DYRK1A: variants seen among roughly 807,000 people sequenced by gnomAD.
The protein encoded by DYRK1A is dual specificity tyrosine phosphorylation regulated kinase 1A, also known as dual specificity tyrosine-phosphorylation-regulated kinase 1A.
Under a neutral mutation model 79.7 loss-of-function variants are expected in DYRK1A, and 9 were observed. That is an observed-to-expected ratio of 0.11 (90% confidence interval 0.07 to 0.20). The LOEUF (loss-of-function observed/expected upper bound fraction) is 0.20, where lower values mean the gene tolerates loss of function less well. DYRK1A is among the 10% of genes least tolerant of loss of function. The pLI is 1.00. For synonymous variants in DYRK1A, 349 were observed against 329.7 expected (o/e 1.06, Z -0.63); for missense variants, 622 against 956.0 (o/e 0.65, Z 4.61).
At chr21:37,458,378 A>C (rs1458662048) in intron 2 of DYRK1A, among the ~76,000 whole-genome samples, 10 of 151,882 alleles carry the variant, frequency 6.6e-5, no homozygotes, top group Non-Finnish European at 1.2e-4. Context: ...GATTTTGAAA[A>C]AAATGAACTA....
At chr21:37,476,757 A>G (rs888699152) in intron 3 of DYRK1A, among the ~76,000 whole-genome samples, 2 of 86,546 alleles carry the variant, frequency 2.3e-5, no homozygotes, top group Admixed American at 1.5e-4. Flanking sequence ...GAAAAATTAA[A>G]TCAGATCATC....
At chr21:37,422,273 G>A (rs1347309847) in intron 2 of DYRK1A, among the ~76,000 whole-genome samples, 1 of 152,104 alleles carries the variant, frequency 6.6e-6, no homozygotes, top group Non-Finnish European at 1.5e-5. Context: ...CTTTCTAATA[G>A]TTTGAAAGTT....
intron 1 of DYRK1A, among the ~76,000 whole-genome samples, chr21:37,377,879 C>T (rs2049579341): frequency 6.6e-6 from 1 of 152,188 alleles, no homozygotes; most frequent in Non-Finnish European, 1.5e-5. Flanking sequence ...GTGCGTACTT[C>T]CTTGCATGTA....
At position 37,512,251 on chromosome 21, in the gene DYRK1A, C is replaced by G; in HGVS notation, c.1985C>G (p.Ser662Cys). ...ACTTCTTCCTCGACATCTTCCTCCT[C>G]TACTGGTAACCAAGGCAATCAGGCC... ...STTSSSTSSS[S>C]TGNQGNQAYQ... The change falls in exon 12 of 12, where the codon TCT becomes TGT. Residue 662 changes from serine to cysteine, a missense_variant. By Grantham distance (112) the Ser-to-Cys change is moderately radical. Around this residue, in one of 5 missense-constraint regions of DYRK1A, gnomAD observed 292 missense variants for 316.7 expected, o/e 0.92. Coordinates refer to ENST00000647188, the MANE Select transcript of DYRK1A (RefSeq NM_001347721.2). 6.2e-7 allele frequency: 1 copy of G among 1,614,242 alleles called. No individual in the cohort carries two copies. Among genetic ancestry groups the G allele is most frequent in the Non-Finnish European group, 8.5e-7 (1 of 1,180,048 alleles).
intron 9 of DYRK1A, among the ~76,000 whole-genome samples, chr21:37,498,465 G>T (rs922205551): frequency 2.0e-5 from 3 of 151,990 alleles, no homozygotes; most frequent in Admixed American, 2.0e-4. Flanking sequence ...GTTTAGTTTT[G>T]GGTTTTCTTC....
rs1869463735 is a variant in DYRK1A, at chr21:37,512,773, A to G, written c.*242A>G. 4.2e-6 allele frequency: 2 copies of G among 477,094 alleles called. No individual in the cohort carries two copies. The highest frequency in any genetic ancestry group is 4.3e-5 in the South Asian group (1 of 23,228). 29.6% of individuals were successfully genotyped at this position (477,094 alleles called of 1,614,324 possible). A position where few individuals can be genotyped will look rare whatever the true frequency, so the allele number is the denominator to read the frequency against. On this transcript the variant is annotated 3_prime_UTR_variant, in exon 12 of 12. Coordinates refer to ENST00000647188, the MANE Select transcript of DYRK1A (RefSeq NM_001347721.2). ...AGAGGTATCCTCTTTTTGCTCCCCCATTTTAACTTGCCACATCCCAGTCAC... is the reference window on the plus strand; with the variant it reads ...AGAGGTATCCTCTTTTTGCTCCCCCGTTTTAACTTGCCACATCCCAGTCAC...
chr21:37,430,516 T>C, intron 2 of DYRK1A: 1 of 576,088 alleles, frequency 1.7e-6, no homozygotes. Context: ...GAACCCTTGT[T>C]GCCCAACTCA....
chr21:37,446,515 T>G (rs1187894850), intron 2 of DYRK1A, among the ~76,000 whole-genome samples: 1 of 152,190 alleles, frequency 6.6e-6, no homozygotes. Flanking sequence ...CACATGGCTT[T>G]CCAGCTATTA....
In DYRK1A at chr21:37,511,967, G is replaced by T; in HGVS notation, c.1701G>T (p.Gln567His). Residue 567 changes from glutamine (Q) to histidine (H), a missense_variant, in exon 12 of 12, where the codon CAG becomes CAT. Coordinates refer to ENST00000647188, the MANE Select transcript of DYRK1A (RefSeq NM_001347721.2). ...LGWSGTEAPTQVTVETHPVQE... is the reference protein window; with the variant it reads ...LGWSGTEAPTHVTVETHPVQE... ...GGTCAGGCACTGAAGCTCCTACACA[G>T]GTCACTGTTGAAACTCATCCTGTTC... The T allele has an allele frequency of 6.2e-7, 1 of 1,614,082 alleles. No individual in the cohort carries two copies. The highest frequency in any genetic ancestry group is 8.5e-7 in the Non-Finnish European group (1 of 1,180,018).
At chr21:37,435,990 A>AG (rs2050913640) in intron 2 of DYRK1A, among the ~76,000 whole-genome samples, 2 of 143,800 alleles carry the variant, frequency 1.4e-5, no homozygotes, top group South Asian at 4.9e-4. Context: ...TAGGTTCTGC[A>AG]GAAAAAAAAA....
Position 37,519,753 on chromosome 21 carries a change from T to TTTGTTTTG in DYRK1A, c.*7224_*7225insGTTTTGTT, listed in dbSNP as rs758322771. On this transcript the variant is annotated 3_prime_UTR_variant, in exon 12 of 12. Transcript: ENST00000647188. ...TGTGGGAAGTTTTTTTTTTTTTTTTTTTTTTTGAGGCGGAGTCTCGCTCTG... is the reference window on the plus strand; with the variant it reads ...TGTGGGAAGTTTTTTTTTTTTTTTTTTTGTTTTGTTTTTTGAGGCGGAGTCTCGCTCTG... The TTTGTTTTG allele has an allele frequency of 4.8e-5, 4 of 82,528 alleles. No homozygotes were observed. Among genetic ancestry groups the TTTGTTTTG allele is most frequent in the South Asian group, 4.2e-4 (1 of 2,402 alleles). The allele number at this position is 82,528 out of a possible 1,614,324, so 5.1% of individuals were successfully genotyped here.
chr21:37,519,736 G>GTGTTTTT lies in DYRK1A; in HGVS notation c.*7206_*7207insGTTTTTT, dbSNP rs1329924530. 1.5e-4 allele frequency: 13 copies of GTGTTTTT among 85,798 alleles called. No homozygotes were observed. The highest frequency in any genetic ancestry group is 5.8e-4 in the African/African-American group (12 of 20,576). The allele number at this position is 85,798 out of a possible 1,614,324, so 5.3% of individuals were successfully genotyped here. On this transcript the variant is annotated 3_prime_UTR_variant, in exon 12 of 12. Transcript: ENST00000647188. ...AGAGTTTTGAGGTTTGTTGTGGGAA[G>GTGTTTTT]TTTTTTTTTTTTTTTTTTTTTTTGA...
chr21:37,377,009 G>T (rs1173238128), intron 1 of DYRK1A, among the ~76,000 whole-genome samples: 2 of 152,154 alleles, frequency 1.3e-5, no homozygotes, highest in African/African-American at 4.8e-5. Context: ...TTATTTTTAA[G>T]TGCATAGACA....
intron 2 of DYRK1A, among the ~76,000 whole-genome samples, chr21:37,465,198 A>G (rs994794958): frequency 6.6e-6 from 1 of 152,232 alleles, no homozygotes; most frequent in Middle Eastern, 3.2e-3. Flanking sequence ...GATAGGTGTT[A>G]TAATACATAG....
chr21:37,505,680 A>G lies in DYRK1A; in HGVS notation c.1519+91A>G, dbSNP rs2053574950. 4 of 1,368,152 alleles carry G rather than the reference A, an allele frequency of 2.9e-6. No homozygotes were observed. In the East Asian group the frequency reaches 7.0e-5, roughly 24 times the overall value. 84.8% of individuals were successfully genotyped at this position (1,368,152 alleles called of 1,614,324 possible). On this transcript the variant is annotated intron_variant, in intron 10 of 11. Transcript: ENST00000647188. ...TTTTAAAGTGTTGATTAAATTTGTT[A>G]ATAGAGTGGGGAGCAGTTACTTTAC...
intron 8 of DYRK1A, among the ~76,000 whole-genome samples, chr21:37,493,933 CTTTTTTTTTTT>C (rs35158368): frequency 8.8e-6 from 1 of 114,228 alleles, no homozygotes; most frequent in Non-Finnish European, 1.7e-5. Context: ...TTTAATTCTT[CTTTTTTTTTTT>C]TTTTTTTTTT....
At chr21:37,440,513 A>G (rs1468504625) in intron 2 of DYRK1A, among the ~76,000 whole-genome samples, 1 of 152,098 alleles carries the variant, frequency 6.6e-6, no homozygotes, top group Non-Finnish European at 1.5e-5. Flanking sequence ...TTTCTAATAG[A>G]GATGATTAAT....
At chr21:37,444,692 A>G (rs1446067571) in intron 2 of DYRK1A, among the ~76,000 whole-genome samples, 2 of 152,200 alleles carry the variant, frequency 1.3e-5, no homozygotes, top group Non-Finnish European at 2.9e-5. Context: ...GACCGTTAGT[A>G]GAAATGAGAA....
intron 1 of DYRK1A, among the ~76,000 whole-genome samples, chr21:37,403,338 T>C (rs1325348045): frequency 6.6e-6 from 1 of 152,206 alleles, no homozygotes; most frequent in Non-Finnish European, 1.5e-5. Context: ...TTAAAATCTT[T>C]GCTGCTAAAT....
Sources: allele counts gnomAD v4.1 joint callset (sites outside exome capture counted in the v4.1 genomes callset), GRCh38; gene constraint gnomAD v4.1.1; regional missense constraint gnomAD v4.1.1; transcripts MANE v1.5; gene names NCBI Gene and HGNC (gene_info 2026-07-23, HGNC 2026-07-21).